The following KCNAB1 variants were observed in gnomAD, a reference collection of about 807,000 sequenced individuals.
KCNAB1 encodes voltage-gated potassium channel subunit beta-1.
In KCNAB1, 35 loss-of-function variants were observed where a neutral mutation model predicts 64.6. The ratio of observed to expected loss-of-function variants is 0.54; its 90% CI spans 0.41 to 0.72. The LOEUF is 0.72. Among genes scored for constraint, KCNAB1 ranks in the 30% least tolerant of loss-of-function variants. The probability of loss-of-function intolerance (pLI) is 0.00; values close to 1 mark genes in which losing one functional copy is unlikely to be tolerated. For synonymous variants in KCNAB1, 177 were observed against 183.8 expected (o/e 0.96, Z 0.30); for missense variants, 401 against 512.9 (o/e 0.78, Z 2.11).
At chr3:156,361,983 A>G (rs1725644121) in intron 1 of KCNAB1, among the ~76,000 whole-genome samples, 1 of 152,264 alleles carries the variant, frequency 6.6e-6, no homozygotes, top group South Asian at 2.1e-4. Context: ...TATTTATTCA[A>G]CAAATATTAT....
chr3:156,524,393 T>G (rs1718154298), intron 12 of KCNAB1: 1 of 153,724 alleles, frequency 6.5e-6, no homozygotes, highest in Non-Finnish European at 1.4e-5. Context: ...TTGAAGGCCA[T>G]AAACGTTGTT....
At chr3:156,226,307 G>A (rs570603284) in intron 1 of KCNAB1, among the ~76,000 whole-genome samples, 4 of 152,172 alleles carry the variant, frequency 2.6e-5, no homozygotes, top group South Asian at 2.1e-4. Context: ...AACATAAAGT[G>A]GAGAAAGGAT....
intron 1 of KCNAB1, among the ~76,000 whole-genome samples, chr3:156,246,498 G>A (rs989226929): frequency 6.6e-6 from 1 of 151,962 alleles, no homozygotes; most frequent in Admixed American, 6.6e-5. Flanking sequence ...AGCTACCTGG[G>A]AGGCTGAAGC....
chr3:156,300,102 C>T (rs1265413630), intron 1 of KCNAB1, among the ~76,000 whole-genome samples: 1 of 152,154 alleles, frequency 6.6e-6, no homozygotes, highest in Non-Finnish European at 1.5e-5. Flanking sequence ...AGAGGACTCC[C>T]ACTTCCTTCT....
chr3:156,341,308 G>T (rs943288508), intron 1 of KCNAB1, among the ~76,000 whole-genome samples: 1 of 152,158 alleles, frequency 6.6e-6, no homozygotes, highest in East Asian at 1.9e-4. Context: ...CCCAAATCTA[G>T]ACGACGAGTT....
intron 1 of KCNAB1, among the ~76,000 whole-genome samples, chr3:156,386,165 T>C (rs918918179): frequency 1.3e-5 from 2 of 152,190 alleles, no homozygotes; most frequent in Non-Finnish European, 2.9e-5. Context: ...TAAAAGGCTT[T>C]AGAACAGAAA....
intron 1 of KCNAB1, among the ~76,000 whole-genome samples, chr3:156,402,886 A>G (rs1456411489): frequency 6.6e-6 from 1 of 152,192 alleles, no homozygotes; most frequent in Non-Finnish European, 1.5e-5. Flanking sequence ...AAATGTTTTA[A>G]TATTTTGGTA....
intron 1 of KCNAB1, among the ~76,000 whole-genome samples, chr3:156,244,471 C>A (rs1453993603): frequency 6.6e-6 from 1 of 152,210 alleles, no homozygotes; most frequent in Non-Finnish European, 1.5e-5. Flanking sequence ...GCAACATATT[C>A]ATAAGTTCTG....
At chr3:156,319,133 C>T (rs113351422) in intron 1 of KCNAB1, among the ~76,000 whole-genome samples, 2 of 152,100 alleles carry the variant, frequency 1.3e-5, no homozygotes, top group Non-Finnish European at 1.5e-5. Flanking sequence ...GAACATGGAA[C>T]AACTTAGAAA....
chr3:156,355,376 G>A (rs554641101), intron 1 of KCNAB1, among the ~76,000 whole-genome samples: 1 of 152,338 alleles, frequency 6.6e-6, no homozygotes, highest in Admixed American at 6.5e-5. Flanking sequence ...AGTCCTCTGA[G>A]AGAAAAGTCA....
At chr3:156,460,085 C>T in intron 5 of KCNAB1, 1 of 500,216 alleles carries the variant, frequency 2.0e-6, no homozygotes, top group Non-Finnish European at 3.5e-6. Flanking sequence ...AATGAATTAC[C>T]AAAGAGTTGA....
intron 1 of KCNAB1, chr3:156,291,995 C>T (rs151289713): frequency 1.9e-6 from 3 of 1,614,038 alleles, no homozygotes; most frequent in Admixed American, 1.7e-5. Context: ...CTCCACCGCC[C>T]CCAATGTGGT....
intron 1 of KCNAB1, among the ~76,000 whole-genome samples, chr3:156,177,600 A>C (rs891680961): frequency 7.9e-5 from 12 of 151,946 alleles, no homozygotes; most frequent in East Asian, 5.8e-4. Context: ...GATGGTCTCG[A>C]TCTCCTGACC....
At chr3:156,510,221 G>C (rs1717110772) in intron 8 of KCNAB1, among the ~76,000 whole-genome samples, 1 of 152,192 alleles carries the variant, frequency 6.6e-6, no homozygotes, top group Non-Finnish European at 1.5e-5. Context: ...GCCTCGCAGA[G>C]GCTCTCCTCA....
chr3:156,453,631 A>G (rs991481609), intron 3 of KCNAB1, among the ~76,000 whole-genome samples: 2 of 152,180 alleles, frequency 1.3e-5, no homozygotes, highest in African/African-American at 4.8e-5. Flanking sequence ...TGATATTTTT[A>G]TCATTTCCTT....
intron 12 of KCNAB1, among the ~76,000 whole-genome samples, chr3:156,528,631 T>G (rs1289393675): frequency 6.6e-6 from 1 of 151,952 alleles, no homozygotes; most frequent in Non-Finnish European, 1.5e-5. Flanking sequence ...CAAATATTAG[T>G]GAGGCAAAAA....
chr3:156,240,155 A>G (rs1264420648), intron 1 of KCNAB1, among the ~76,000 whole-genome samples: 4 of 152,204 alleles, frequency 2.6e-5, no homozygotes, highest in Admixed American at 6.5e-5. Flanking sequence ...TGGATTTAAC[A>G]TAAGCCTTGG....
chr3:156,352,358 T>C (rs1235093745), intron 1 of KCNAB1, among the ~76,000 whole-genome samples: 82 of 152,232 alleles, frequency 5.4e-4, no homozygotes, highest in Admixed American at 5.4e-3. Flanking sequence ...CCCAGAGCTC[T>C]TTCCCATCAA....
rs536887816 is a variant in KCNAB1, at chr3:156,139,120, A to C, written c.275+18234A>C. ...GTTCAGAGGCATTTCTTACAGTCTT[A>C]CCACATTGAGCTTAAAATTGATCTT... On this transcript the variant is annotated intron_variant, in intron 1 of 13. Transcript: ENST00000490337. Among the ~76,000 whole-genome samples the C allele has an allele frequency of 9.1e-4, 138 of 152,358 alleles. 1 individual carries two copies. The highest frequency in any genetic ancestry group is 3.1e-3 in the African/African-American group (129 of 41,586).
Sources: gnomAD v4.1 joint callset for allele counts (sites outside exome capture counted in the v4.1 genomes callset) on GRCh38, gnomAD v4.1.1 for gene constraint, MANE v1.5 for transcripts, NCBI Gene and HGNC (gene_info 2026-07-23, HGNC 2026-07-21) for gene names.